DST: variants seen among roughly 807,000 people sequenced by gnomAD.
DST encodes the protein bullous pemphigoid antigen.
Under a neutral mutation model 875.2 loss-of-function variants are expected in DST, and 253 were observed. The observed-to-expected ratio is 0.29, with a 90% CI of 0.26 to 0.32. The LOEUF is 0.32. Ranked by LOEUF, DST falls within the 10% of genes least tolerant of loss-of-function variation. The pLI, the probability that DST is intolerant of heterozygous loss-of-function variation, is 1.00. For synonymous variants in DST, 3,124 were observed against 3,197.1 expected (o/e 0.98, Z 0.77); for missense variants, 8,287 against 9,111.6 (o/e 0.91, Z 3.68).
At chr6:56,674,070 T>C (rs2099116136) in intron 9 of DST, among the ~76,000 whole-genome samples, 1 of 152,214 alleles carries the variant, frequency 6.6e-6, no homozygotes, top group Non-Finnish European at 1.5e-5. Flanking sequence ...ATCTGAAATC[T>C]GTGTGTTCAG....
At chr6:56,736,051 CTTGT>C (rs6149601) in intron 4 of DST, among the ~76,000 whole-genome samples, 37,368 of 151,376 alleles carry the variant, frequency 0.25, 6,256 homozygotes, top group African/African-American at 0.48. Flanking sequence ...TTTTTGTTTG[CTTGT>C]TTGTTTGTTT....
At chr6:56,594,790 T>G (rs746608653) in intron 47 of DST, among the ~76,000 whole-genome samples, 1 of 152,222 alleles carries the variant, frequency 6.6e-6, no homozygotes, top group Admixed American at 6.5e-5. Context: ...GTTTCCTGCA[T>G]GTGAAAATGG....
chr6:56,905,299 A>C (rs1795894318), intron 2 of DST, among the ~76,000 whole-genome samples: 1 of 152,114 alleles, frequency 6.6e-6, no homozygotes. Flanking sequence ...TTCAACCTTT[A>C]AGTGCACAAT....
chr6:56,573,681 T>C lies in DST; in HGVS notation c.13234A>G (p.Ile4412Val). The C allele has an allele frequency of 1.2e-6, 2 of 1,609,794 alleles. No individual in the cohort carries two copies. The highest frequency in any genetic ancestry group is 1.7e-6 in the Non-Finnish European group (2 of 1,177,016). The change falls in exon 51 of 104, where the codon ATT becomes GTT. Residue 4412 changes from isoleucine to valine, a missense_variant and splice_region_variant. By Grantham distance (29) the Ile-to-Val change is conservative. Coordinates refer to ENST00000680361, the MANE Select transcript of DST (RefSeq NM_001374736.1). ...TALQDIISKN[I>V]MLEQDIAGRQ... Reference sequence around the variant, plus strand: ...GACTTTTTTTTAAAGTCACTTACAATGTTTTTACTGATAATATCCTGAAGA... The same window carrying C: ...GACTTTTTTTTAAAGTCACTTACAACGTTTTTACTGATAATATCCTGAAGA...
intron 64 of DST, 53 bp from the exon 65 acceptor site, chr6:56,530,186 AC>A (rs2152512533): frequency 7.1e-7 from 1 of 1,409,484 alleles, no homozygotes; most frequent in African/African-American, 1.4e-5. Flanking sequence ...GAAATATTCA[AC>A]AAAAATCTTC....
intron 13 of DST, among the ~76,000 whole-genome samples, chr6:56,647,449 A>G (rs1379800683): frequency 2.6e-5 from 4 of 152,194 alleles, no homozygotes; most frequent in Non-Finnish European, 5.9e-5. Flanking sequence ...TTCTGTACGG[A>G]TGCAGGAGCA....
chr6:56,859,288 C>T (rs1769727443), intron 3 of DST, among the ~76,000 whole-genome samples: 1 of 152,252 alleles, frequency 6.6e-6, no homozygotes, highest in East Asian at 1.9e-4. Context: ...GCTCCCACAC[C>T]TCCATAAATC....
chr6:56,790,250 A>T (rs1416517522), intron 4 of DST, among the ~76,000 whole-genome samples: 1 of 152,290 alleles, frequency 6.6e-6, no homozygotes, highest in East Asian at 1.9e-4. Flanking sequence ...TATAGTTACT[A>T]TCTACTATGA....
At chr6:56,501,286 G>T (rs552574520) in intron 79 of DST, 51 bp from the exon 80 acceptor site, 86 of 1,518,960 alleles carry the variant, frequency 5.7e-5, no homozygotes, top group Non-Finnish European at 7.3e-5. Flanking sequence ...TATTATGAAT[G>T]ACATGTCTAT....
chr6:56,462,974 G>T, intron 102 of DST, 72 bp downstream of exon 102: 1 of 824,900 alleles, frequency 1.2e-6, no homozygotes, highest in Non-Finnish European at 2.0e-6. Context: ...AGGGAGTGGT[G>T]CAACGATGTT....
chr6:56,900,875 C>CAAA (rs539371079), intron 2 of DST, among the ~76,000 whole-genome samples: 1 of 96,180 alleles, frequency 1.0e-5, no homozygotes, highest in Non-Finnish European at 2.1e-5. Flanking sequence ...AAAGCCAGTC[C>CAAA]AAAAAAAAAA....
chr6:56,493,290 C>T (rs1200348200), intron 83 of DST, among the ~76,000 whole-genome samples: 1 of 152,064 alleles, frequency 6.6e-6, no homozygotes, highest in Non-Finnish European at 1.5e-5. Context: ...GCCTAGTAAG[C>T]AGCATCTCAC....
At chr6:56,602,706 C>A (rs931187116) in intron 43 of DST, among the ~76,000 whole-genome samples, 176 bp downstream of exon 43, 3 of 151,624 alleles carry the variant, frequency 2.0e-5, no homozygotes, top group Non-Finnish European at 2.9e-5. Context: ...CAGAATGATA[C>A]CCTTAAAGTT....
chr6:56,532,224 TCACA>T, intron 64 of DST, 116 bp downstream of exon 64: 1 of 919,800 alleles, frequency 1.1e-6, no homozygotes, highest in Non-Finnish European at 1.7e-6. Flanking sequence ...CTATCTCTGT[TCACA>T]TACATGATAA....
rs2094820423 is a variant in DST, at chr6:56,470,338, T to A, written c.22322-56A>T. 9 of 1,393,578 alleles carry A rather than the reference T, an allele frequency of 6.5e-6. No homozygotes were observed. In the East Asian group the frequency reaches 2.2e-4, roughly 34 times the overall value. The allele number at this position is 1,393,578 out of a possible 1,614,324, so 86.3% of individuals were successfully genotyped here. A position where few individuals can be genotyped will look rare whatever the true frequency, so the allele number is the denominator to read the frequency against. On this transcript the variant is annotated intron_variant, in intron 95 of 103. Coordinates refer to ENST00000680361, the MANE Select transcript of DST (RefSeq NM_001374736.1). ...ACTTGTTAGTTCTTTCTCAAGACAT[T>A]CTCAATTGCACATTTCAATCTCAGT...
intron 3 of DST, 42 bp from the exon 4 acceptor site, chr6:56,851,646 T>A: frequency 6.3e-7 from 1 of 1,590,416 alleles, no homozygotes; most frequent in Non-Finnish European, 8.6e-7. Context: ...AGCAAAATAC[T>A]CACATATGCT....
chr6:56,593,626 G>C (rs766609950), intron 48 of DST, 37 bp downstream of exon 48: 1 of 1,439,076 alleles, frequency 6.9e-7, no homozygotes, highest in African/African-American at 1.4e-5. Context: ...TATAATTGCA[G>C]ATTGACTTTT....
chr6:56,818,758 C>T (rs1425273814), intron 4 of DST, among the ~76,000 whole-genome samples: 1 of 152,114 alleles, frequency 6.6e-6, no homozygotes, highest in Non-Finnish European at 1.5e-5. Context: ...GGGTTCTGAT[C>T]CCAAAGGTTT....
At chr6:56,582,773 G>GTGTGATGATCCCCGTCC (rs1554411147) in intron 49 of DST, among the ~76,000 whole-genome samples, 3 of 151,776 alleles carry the variant, frequency 2.0e-5, no homozygotes, top group Non-Finnish European at 4.4e-5. Context: ...AGGCCCCAGA[G>GTGTGATGATCCCCGTCC]TGTGATGATC....
Sources: gnomAD v4.1 joint callset for allele counts (sites outside exome capture counted in the v4.1 genomes callset) on GRCh38, gnomAD v4.1.1 for gene constraint, MANE v1.5 for transcripts, NCBI Gene and HGNC (gene_info 2026-07-23, HGNC 2026-07-21) for gene names.